The following TDRD1 variants were observed in gnomAD, a reference collection of about 807,000 sequenced individuals.
TDRD1 encodes the protein tudor domain-containing protein 1.
Under a neutral mutation model 140.6 loss-of-function variants are expected in TDRD1, and 37 were observed. That is an observed-to-expected ratio of 0.26 (90% CI 0.20 to 0.35). TDRD1 has a LOEUF of 0.35. TDRD1 is among the 10% of genes least tolerant of loss of function. The probability of loss-of-function intolerance (pLI) is 1.00; values close to 1 mark genes in which losing one functional copy is unlikely to be tolerated. For synonymous variants in TDRD1, 506 were observed against 475.7 expected (o/e 1.06, Z -0.83); for missense variants, 1,243 against 1,393.0 (o/e 0.89, Z 1.71).
At chr10:114,195,316 T>C (rs531517585) in intron 3 of TDRD1, among the ~76,000 whole-genome samples, 1 of 152,298 alleles carries the variant, frequency 6.6e-6, no homozygotes, top group East Asian at 1.9e-4. Flanking sequence ...CCTCGTCTGT[T>C]GTTGGGTCAG....
At chr10:114,204,827 A>C (rs1318513956) in exon 10 of TDRD1, 1 of 1,600,118 alleles carries the variant, frequency 6.2e-7, no homozygotes, top group Non-Finnish European at 8.5e-7. Context: ...CTGCTCCATA[A>C]AGATTGTCGA....
chr10:114,231,288 G>C (rs2036740474), intron 25 of TDRD1, among the ~76,000 whole-genome samples: 2 of 152,092 alleles, frequency 1.3e-5, no homozygotes, highest in Non-Finnish European at 1.5e-5. Flanking sequence ...ATTTGTGAAG[G>C]GGAGTATAAA....
chr10:114,214,322 T>G (rs1341886036), intron 16 of TDRD1, among the ~76,000 whole-genome samples: 6 of 152,214 alleles, frequency 3.9e-5, no homozygotes, highest in Admixed American at 2.0e-4. Flanking sequence ...CCTCTTTATA[T>G]TTAAACTAGT....
At chr10:114,175,813 T>C (rs550347343), upstream of TDRD1, among the ~76,000 whole-genome samples, 27 of 152,166 alleles carry the variant, frequency 1.8e-4, no homozygotes, top group Non-Finnish European at 3.5e-4. Flanking sequence ...AGACGCACTA[T>C]GTAAAAAAAT....
chr10:114,184,430 C>G (rs1290260052), intron 1 of TDRD1, among the ~76,000 whole-genome samples: 2 of 152,236 alleles, frequency 1.3e-5, no homozygotes, highest in Non-Finnish European at 2.9e-5. Context: ...GTGCTTATTA[C>G]TCCCTAATTA....
At chr10:114,207,221 C>A (rs1589689321) in intron 11 of TDRD1, among the ~76,000 whole-genome samples, 1 of 152,212 alleles carries the variant, frequency 6.6e-6, no homozygotes, top group Non-Finnish European at 1.5e-5. Context: ...CTTACTCATT[C>A]ATCCAGAGGT....
intron 19 of TDRD1, 70 bp from the exon 20 acceptor site, chr10:114,221,285 AAT>A (rs2036127891): frequency 1.5e-6 from 2 of 1,374,634 alleles, no homozygotes; most frequent in Non-Finnish European, 2.0e-6. Context: ...GATTGAATTA[AAT>A]ATGTTACTGA....
upstream of TDRD1, among the ~76,000 whole-genome samples, chr10:114,178,767 G>C (rs2032787514): frequency 6.6e-6 from 1 of 151,912 alleles, no homozygotes; most frequent in Admixed American, 6.6e-5. Context: ...GAGTGCCTGG[G>C]CTGCAGATGT....
chr10:114,216,743 C>A (rs965739049), intron 16 of TDRD1, among the ~76,000 whole-genome samples: 1 of 152,180 alleles, frequency 6.6e-6, no homozygotes, highest in Non-Finnish European at 1.5e-5. Context: ...GCCAAACAAT[C>A]CCCCAGCAGC....
intron 5 of TDRD1, 53 bp from the exon 6 acceptor site, chr10:114,202,185 C>T (rs2034792631): frequency 7.9e-6 from 11 of 1,394,300 alleles, no homozygotes; most frequent in Admixed American, 4.0e-5. Context: ...TTGATAGCCC[C>T]TATGTTAATT....
chr10:114,213,927 G>A (rs11594341), intron 15 of TDRD1, 50 bp from the exon 16 acceptor site: 54 of 1,599,506 alleles, frequency 3.4e-5, no homozygotes, highest in South Asian at 1.3e-4. Context: ...CCCCAACCTC[G>A]CTACATCCCT....
At chr10:114,227,402 C>T in intron 23 of TDRD1, 103 bp downstream of exon 23, 1 of 808,780 alleles carries the variant, frequency 1.2e-6, no homozygotes, top group Non-Finnish European at 2.0e-6. Context: ...GCCATACTCT[C>T]TCCTCCTCCT....
chr10:114,211,754 A>T (rs1481697979), intron 13 of TDRD1, 112 bp from the exon 14 acceptor site: 4 of 1,072,964 alleles, frequency 3.7e-6, no homozygotes, highest in Non-Finnish European at 5.1e-6. Context: ...TATAAGCTTG[A>T]TATCTATTAA....
intron 17 of TDRD1, among the ~76,000 whole-genome samples, chr10:114,218,179 T>C (rs1306254227): frequency 6.6e-6 from 1 of 152,230 alleles, no homozygotes; most frequent in Admixed American, 6.5e-5. Flanking sequence ...AAATCTTTAA[T>C]TCATATCAAA....
intron 23 of TDRD1, 78 bp downstream of exon 23, chr10:114,227,377 T>C (rs1430408494): frequency 4.8e-6 from 5 of 1,033,860 alleles, no homozygotes; most frequent in Admixed American, 3.6e-5. Context: ...GACTTGACCT[T>C]TTCTCACTTC....
intron 3 of TDRD1, among the ~76,000 whole-genome samples, chr10:114,194,112 A>T (rs1299604303): frequency 6.6e-6 from 1 of 152,190 alleles, no homozygotes; most frequent in Non-Finnish European, 1.5e-5. Flanking sequence ...TATTTTGATA[A>T]GGATTTTTAC....
In TDRD1 at chr10:114,221,835, A is replaced by G. The variant is rs1470202438; in HGVS notation, c.2890+359A>G. ...ATCCATTCATAATCATAGCTTTACT[A>G]TACCTTAGAGACGTAGAGAAATGTT... is the stretch of plus-strand genomic sequence containing the variant. On this transcript the variant is annotated intron_variant, in intron 20 of 25. Transcript: ENST00000251864. 3.9e-5 allele frequency among the ~76,000 whole-genome samples: 6 copies of G among 152,248 alleles called. No homozygotes were observed. In the South Asian group the frequency reaches 1.0e-3, roughly 26 times the overall value.
chr10:114,220,014 C>T (rs1045293556), intron 18 of TDRD1, among the ~76,000 whole-genome samples: 2 of 152,176 alleles, frequency 1.3e-5, no homozygotes, highest in African/African-American at 4.8e-5. Flanking sequence ...ACCCAAGACC[C>T]AGACCTACCA....
Position 114,227,315 on chromosome 10 carries a change from GTTA to G in TDRD1, c.3403+20_3403+22del. ...TTAAATACAGGTATTCTTTTCAAGT[GTTA>G]TTAATAACAGATGTTAAGTGTGAGG... On this transcript the variant is annotated intron_variant, in intron 23 of 25. Transcript: ENST00000251864. 1 of 1,535,500 alleles carries G rather than the reference GTTA, an allele frequency of 6.5e-7. No homozygotes were observed.
Sources: gnomAD v4.1 joint callset for allele counts (sites outside exome capture counted in the v4.1 genomes callset) on GRCh38, gnomAD v4.1.1 for gene constraint, MANE v1.5 for transcripts, NCBI Gene and HGNC (gene_info 2026-07-23, HGNC 2026-07-21) for gene names.